The following STXBP6 variants were observed in gnomAD, a reference collection of about 807,000 sequenced individuals.
STXBP6 encodes the protein syntaxin-binding protein 6.
Under a neutral mutation model 26.9 loss-of-function variants are expected in STXBP6, and 21 were observed. That is an observed-to-expected ratio of 0.78 (90% CI 0.55 to 1.12). STXBP6 has a LOEUF of 1.12. STXBP6 is among the 50% of genes most tolerant of loss of function. STXBP6 has a pLI of 0.00. For missense variants in STXBP6, 232 were observed against 257.9 expected, an observed-to-expected ratio of 0.90 and a Z score of 0.69; for synonymous variants, 97 against 92.6, an observed-to-expected ratio of 1.05 and a Z score of -0.27.
chr14:24,883,897 A>G (rs2070471178), intron 2 of STXBP6, among the ~76,000 whole-genome samples: 1 of 152,210 alleles, frequency 6.6e-6, no homozygotes, highest in Non-Finnish European at 1.5e-5. Context: ...CCTACAACAC[A>G]AGCTCTTAAG....
intron 2 of STXBP6, among the ~76,000 whole-genome samples, chr14:24,931,018 G>A (rs2139896722): frequency 7.0e-6 from 1 of 142,376 alleles, no homozygotes; most frequent in Non-Finnish European, 1.5e-5. Flanking sequence ...GGCTGAGGCA[G>A]GAGAATGGCG....
At chr14:24,900,588 G>T (rs1181725024) in intron 2 of STXBP6, among the ~76,000 whole-genome samples, 1 of 152,156 alleles carries the variant, frequency 6.6e-6, no homozygotes, top group African/African-American at 2.4e-5. Context: ...CAAATAACTG[G>T]GCTAAATGAC....
rs1293080822 is a variant in STXBP6 at position 24,942,849 on chromosome 14, A to G, written c.154+31816T>C. ...AAACTGATAGCTATGTAGCAGAAAA[A>G]TCAAGACAGGTACACCTACTAGCAG... On this transcript the variant is annotated intron_variant, in intron 2 of 5. Coordinates refer to ENST00000323944, the MANE Select transcript of STXBP6 (RefSeq NM_001394410.1). 1.4e-4 allele frequency among the ~76,000 whole-genome samples: 22 copies of G among 152,220 alleles called. 1 individual carries two copies. The highest frequency in any genetic ancestry group is 3.2e-4 in the Non-Finnish European group (22 of 68,036).
chr14:24,912,757 T>C (rs1413495647), intron 2 of STXBP6, among the ~76,000 whole-genome samples: 1 of 152,164 alleles, frequency 6.6e-6, no homozygotes, highest in African/African-American at 2.4e-5. Context: ...TATAAGGTAC[T>C]TAGAAGCTTT....
At chr14:25,003,417 A>T (rs2074814275) in intron 1 of STXBP6, among the ~76,000 whole-genome samples, 1 of 152,222 alleles carries the variant, frequency 6.6e-6, no homozygotes, top group Non-Finnish European at 1.5e-5. Context: ...CTCCAGGGAA[A>T]GTTTTCAGCT....
intron 2 of STXBP6, among the ~76,000 whole-genome samples, chr14:24,865,768 T>C (rs2069695765): frequency 6.6e-6 from 1 of 152,038 alleles, no homozygotes; most frequent in Non-Finnish European, 1.5e-5. Context: ...ACAACAAATG[T>C]GGTATGAAGA....
chr14:24,902,557 A>C (rs190589079), intron 2 of STXBP6, among the ~76,000 whole-genome samples: 1 of 152,322 alleles, frequency 6.6e-6, no homozygotes, highest in Admixed American at 6.5e-5. Flanking sequence ...GGGTAACATC[A>C]CAACTCTACA....
intron 1 of STXBP6, among the ~76,000 whole-genome samples, chr14:25,026,088 A>T (rs1372653262): frequency 6.6e-6 from 1 of 152,230 alleles, no homozygotes; most frequent in African/African-American, 2.4e-5. Context: ...GGACTCCACC[A>T]ACTGCTATTA....
intron 2 of STXBP6, among the ~76,000 whole-genome samples, chr14:24,927,792 C>A (rs974574031): frequency 2.0e-5 from 3 of 152,296 alleles, no homozygotes; most frequent in East Asian, 1.9e-4. Flanking sequence ...TTTCCCCCTC[C>A]CTTCAGTGGG....
At chr14:24,827,591 T>A (rs971527118) in intron 4 of STXBP6, among the ~76,000 whole-genome samples, 2 of 152,186 alleles carry the variant, frequency 1.3e-5, no homozygotes, top group African/African-American at 2.4e-5. Context: ...GGACATTCTC[T>A]CTCAGCAAGG....
intron 1 of STXBP6, among the ~76,000 whole-genome samples, chr14:25,047,163 A>C (rs2075740273): frequency 6.6e-6 from 1 of 152,162 alleles, no homozygotes; most frequent in African/African-American, 2.4e-5. Context: ...CAAATGTCTG[A>C]GGTTTCTCCA....
At chr14:25,033,553 T>G (rs2075498811) in intron 1 of STXBP6, among the ~76,000 whole-genome samples, 1 of 152,176 alleles carries the variant, frequency 6.6e-6, no homozygotes, top group African/African-American at 2.4e-5. Flanking sequence ...TTCTGCCCCT[T>G]GCTCATACCA....
intron 4 of STXBP6, among the ~76,000 whole-genome samples, chr14:24,851,686 C>A (rs751474692): frequency 2.6e-5 from 4 of 152,016 alleles, no homozygotes; most frequent in African/African-American, 4.8e-5. Flanking sequence ...AAAATAAAAG[C>A]CACCATTTCA....
chr14:24,930,525 A>G (rs923428612), intron 2 of STXBP6, among the ~76,000 whole-genome samples: 2 of 152,188 alleles, frequency 1.3e-5, no homozygotes, highest in African/African-American at 4.8e-5. Context: ...TCACTTTATT[A>G]TTCCGGTGAT....
At chr14:24,926,139 T>C (rs1463980842) in intron 2 of STXBP6, among the ~76,000 whole-genome samples, 1 of 152,186 alleles carries the variant, frequency 6.6e-6, no homozygotes, top group East Asian at 1.9e-4. Flanking sequence ...AGCTTGTTTC[T>C]TTCTTACCAC....
chr14:24,933,556 A>G (rs1374167192), intron 2 of STXBP6, among the ~76,000 whole-genome samples: 1 of 152,132 alleles, frequency 6.6e-6, no homozygotes, highest in African/African-American at 2.4e-5. Flanking sequence ...TTTTATTACT[A>G]TTATTGTTGT....
chr14:24,877,383 C>G (rs1448880324), intron 2 of STXBP6, among the ~76,000 whole-genome samples: 4 of 152,178 alleles, frequency 2.6e-5, no homozygotes, highest in African/African-American at 9.6e-5. Context: ...CTGTGTCCAT[C>G]TACTCCTTTC....
At chr14:24,989,493 T>A (rs951441627) in intron 1 of STXBP6, among the ~76,000 whole-genome samples, 1 of 152,200 alleles carries the variant, frequency 6.6e-6, no homozygotes. Flanking sequence ...CACATAGTCA[T>A]CTTAGAATTT....
chr14:24,972,015 G>A (rs1356564048), intron 2 of STXBP6, among the ~76,000 whole-genome samples: 1 of 152,158 alleles, frequency 6.6e-6, no homozygotes, highest in African/African-American at 2.4e-5. Context: ...CTTTGCACAA[G>A]TTAAAAAATA....
Sources: allele counts gnomAD v4.1 joint callset (sites outside exome capture counted in the v4.1 genomes callset), GRCh38; gene constraint gnomAD v4.1.1; transcripts MANE v1.5; gene names NCBI Gene and HGNC (gene_info 2026-07-23, HGNC 2026-07-21).